NSMCE2: variants seen among roughly 807,000 people sequenced by gnomAD.
The protein encoded by NSMCE2 is NSE2 SUMO ligase component of SMC5/6 complex, also known as E3 SUMO-protein ligase NSE2.
A neutral mutation model predicts 23.8 loss-of-function variants in NSMCE2; 24 were observed. That is an observed-to-expected ratio of 1.01 (90% confidence interval 0.73 to 1.42). The LOEUF (loss-of-function observed/expected upper bound fraction) is 1.42, where lower values mean the gene tolerates loss of function less well. Among genes scored for constraint, NSMCE2 ranks in the 40% most tolerant of loss-of-function variants. The pLI is 0.00. For missense variants in NSMCE2, 284 were observed against 296.5 expected, an observed-to-expected ratio of 0.96 and a Z score of 0.31; for synonymous variants, 92 against 94.1, an observed-to-expected ratio of 0.98 and a Z score of 0.13.
chr8:125,353,710 A>T (rs1813132308), intron 5 of NSMCE2, among the ~76,000 whole-genome samples: 1 of 151,538 alleles, frequency 6.6e-6, no homozygotes, highest in Non-Finnish European at 1.5e-5. Flanking sequence ...TGGCGAAACC[A>T]CGTCTCCACT....
rs764691543 is a variant in NSMCE2 at position 125,357,213 on chromosome 8, C to T, written c.419-6C>T. 1 of 1,582,962 alleles carries T rather than the reference C, an allele frequency of 6.3e-7. No individual in the cohort carries two copies. The highest frequency in any genetic ancestry group is 1.1e-5 in the South Asian group (1 of 90,466). On this transcript the variant is annotated splice_polypyrimidine_tract_variant and splice_region_variant and intron_variant, in intron 5 of 7. Transcript: ENST00000287437. Reference sequence around the variant, plus strand: ...AGAGGCTTATCAACTCTCCATTTTCCTCTAGGTGGTCTTCAAGCTGACAGA... The same window carrying T: ...AGAGGCTTATCAACTCTCCATTTTCTTCTAGGTGGTCTTCAAGCTGACAGA...
At chr8:125,240,028 A>G (rs1281035150) in intron 5 of NSMCE2, among the ~76,000 whole-genome samples, 2 of 152,086 alleles carry the variant, frequency 1.3e-5, no homozygotes, top group Non-Finnish European at 2.9e-5. Flanking sequence ...GTCTAAACAG[A>G]GATTCACTGG....
intron 3 of NSMCE2, among the ~76,000 whole-genome samples, chr8:125,111,152 C>G (rs759680318): frequency 3.9e-5 from 6 of 152,038 alleles, no homozygotes; most frequent in Non-Finnish European, 7.4e-5. Context: ...ACCTTAATCC[C>G]CACGCAGCCA....
intron 3 of NSMCE2, among the ~76,000 whole-genome samples, chr8:125,129,589 T>A (rs1819661425): frequency 6.6e-6 from 1 of 151,762 alleles, no homozygotes; most frequent in African/African-American, 2.4e-5. Flanking sequence ...TCTGTGTGTT[T>A]CATTGATATT....
intron 5 of NSMCE2, among the ~76,000 whole-genome samples, chr8:125,215,959 T>A (rs1824563237): frequency 6.6e-6 from 1 of 152,230 alleles, no homozygotes; most frequent in South Asian, 2.1e-4. Context: ...TCCTAGTTAC[T>A]TGGGATCACT....
intron 5 of NSMCE2, among the ~76,000 whole-genome samples, chr8:125,314,234 T>C (rs1192980141): frequency 6.6e-6 from 1 of 152,208 alleles, no homozygotes; most frequent in East Asian, 1.9e-4. Context: ...ATGTGCTTTT[T>C]AGGTTTGCAG....
intron 5 of NSMCE2, among the ~76,000 whole-genome samples, chr8:125,229,892 G>A (rs1039512227): frequency 2.6e-5 from 4 of 151,920 alleles, no homozygotes; most frequent in Non-Finnish European, 4.4e-5. Context: ...AAATACTTAG[G>A]ATTGTTAACT....
chr8:125,118,934 T>A (rs1365457578), intron 3 of NSMCE2, among the ~76,000 whole-genome samples: 2 of 152,232 alleles, frequency 1.3e-5, no homozygotes, highest in Admixed American at 1.3e-4. Flanking sequence ...GATTTTGTTA[T>A]CGATTACATT....
In NSMCE2 at chr8:125,261,729, TA is replaced by T. The variant is rs950123981; in HGVS notation, c.418+79475del. On this transcript the variant is annotated intron_variant, in intron 5 of 7. Transcript: ENST00000287437. ...GAAAATATCCACTTTGGTTAAAAGC[TA>T]ATCATGTAAAGAAGTAAAAAAAAAA... 1.6e-4 allele frequency among the ~76,000 whole-genome samples: 24 copies of T among 150,610 alleles called. 1 individual carries two copies. Among genetic ancestry groups the T allele is most frequent in the Admixed American group, 1.1e-3 (16 of 15,112 alleles).
intron 4 of NSMCE2, among the ~76,000 whole-genome samples, chr8:125,165,409 G>A (rs540172281): frequency 6.6e-6 from 1 of 152,324 alleles, no homozygotes; most frequent in Admixed American, 6.5e-5. Context: ...TTTCCAATGA[G>A]TGGTGCCTTC....
intron 5 of NSMCE2, among the ~76,000 whole-genome samples, chr8:125,190,660 A>G (rs1354069349): frequency 3.4e-4 from 52 of 152,246 alleles, no homozygotes; most frequent in Non-Finnish European, 2.4e-4. Flanking sequence ...TGTCCTTTAT[A>G]TTGTATAGTA....
At chr8:125,270,446 C>T (rs1827131659) in intron 5 of NSMCE2, among the ~76,000 whole-genome samples, 1 of 152,150 alleles carries the variant, frequency 6.6e-6, no homozygotes, top group South Asian at 2.1e-4. Context: ...GCCTGGGTGA[C>T]AGAGCGAGAC....
Position 125,366,823 on chromosome 8 carries a change from G to C in NSMCE2, c.682G>C (p.Asp228His). The C allele has an allele frequency of 6.2e-7, 1 of 1,613,888 alleles. No homozygotes were observed. The highest frequency in any genetic ancestry group is 8.5e-7 in the Non-Finnish European group (1 of 1,179,776). ...TATAAGAAAGTCAGATCTTATCCAGGATGAAGCACTTAGAAGGGCAATTGA... is the reference window on the plus strand; with the variant it reads ...TATAAGAAAGTCAGATCTTATCCAGCATGAAGCACTTAGAAGGGCAATTGA... ...TDIRKSDLIQDEALRRAIENH... is the reference protein window; with the variant it reads ...TDIRKSDLIQHEALRRAIENH... The change falls in exon 8 of 8, where the codon GAT (aspartate) becomes CAT (histidine). Residue 228 changes from aspartate to histidine, a missense_variant. Transcript: ENST00000287437.
intron 5 of NSMCE2, among the ~76,000 whole-genome samples, chr8:125,277,892 C>A (rs1357943963): frequency 6.6e-6 from 1 of 151,836 alleles, no homozygotes; most frequent in Non-Finnish European, 1.5e-5. Context: ...GAATAACCAG[C>A]TACCAAATAA....
intron 3 of NSMCE2, among the ~76,000 whole-genome samples, chr8:125,108,070 T>G (rs1818554713): frequency 6.6e-6 from 1 of 152,074 alleles, no homozygotes; most frequent in Non-Finnish European, 1.5e-5. Context: ...GAAAATAGTT[T>G]CGACCCATGG....
chr8:125,142,522 C>A (rs576489896), intron 3 of NSMCE2, among the ~76,000 whole-genome samples: 13 of 152,098 alleles, frequency 8.5e-5, no homozygotes, highest in Non-Finnish European at 1.8e-4. Flanking sequence ...TTGTAAAGAA[C>A]CCCTGACACT....
chr8:125,232,676 G>A (rs1020642910), intron 5 of NSMCE2, among the ~76,000 whole-genome samples: 4 of 152,000 alleles, frequency 2.6e-5, no homozygotes, highest in African/African-American at 9.7e-5. Flanking sequence ...TCAACATTGG[G>A]CAACTCATAG....
At chr8:125,338,050 T>C (rs990108696) in intron 5 of NSMCE2, among the ~76,000 whole-genome samples, 4 of 152,172 alleles carry the variant, frequency 2.6e-5, no homozygotes, top group Non-Finnish European at 4.4e-5. Context: ...GAATGGATTT[T>C]TGATACTAGA....
intron 1 of NSMCE2, among the ~76,000 whole-genome samples, chr8:125,098,590 G>A (rs970360254): frequency 2.0e-5 from 3 of 152,076 alleles, no homozygotes; most frequent in East Asian, 1.9e-4. Flanking sequence ...TTTGAATCAC[G>A]GTGTTATCAG....
Sources: gnomAD v4.1 joint callset for allele counts (sites outside exome capture counted in the v4.1 genomes callset) on GRCh38, gnomAD v4.1.1 for gene constraint, MANE v1.5 for transcripts, NCBI Gene and HGNC (gene_info 2026-07-23, HGNC 2026-07-21) for gene names.